The following KLF12 variants were observed in gnomAD, a reference collection of about 807,000 sequenced individuals.
The protein encoded by KLF12 is KLF transcription factor 12.
Under a neutral mutation model 37.8 loss-of-function variants are expected in KLF12, and 9 were observed. The observed-to-expected ratio is 0.24, with a 90% CI of 0.14 to 0.42. The LOEUF is 0.42. KLF12 is among the 10% of genes least tolerant of loss of function. The probability of loss-of-function intolerance (pLI) is 1.00; values close to 1 mark genes in which losing one functional copy is unlikely to be tolerated. For synonymous variants in KLF12, 208 were observed against 202.1 expected (o/e 1.03, Z -0.25); for missense variants, 411 against 516.0 (o/e 0.80, Z 1.97).
chr13:73,846,410 T>A, intron 3 of KLF12, 37 bp from the exon 4 acceptor site: 3 of 1,546,258 alleles, frequency 1.9e-6, no homozygotes, highest in Non-Finnish European at 2.6e-6. Flanking sequence ...TTTATCTTTG[T>A]TTATCACACA....
At chr13:74,016,543 G>A (rs1298820970) in intron 1 of KLF12, among the ~76,000 whole-genome samples, 1 of 151,890 alleles carries the variant, frequency 6.6e-6, no homozygotes, top group Admixed American at 6.6e-5. Context: ...TTAAATTTTT[G>A]GTAGAGACGA....
the KLF12 span, chr13:74,257,571 A>G: frequency 6.6e-6 from 1 of 152,202 alleles, no homozygotes; most frequent in South Asian, 2.1e-4. Context: ...GCTCCAGCAC[A>G]TTGCAAGGTT....
rs549097532 is a variant in KLF12 at position 73,903,651 on chromosome 13, T to C, written c.123+40330A>G. Among the ~76,000 whole-genome samples the C allele has an allele frequency of 1.5e-4, 23 of 152,306 alleles. No homozygotes were observed. The South Asian group carries it at 4.6e-3, about 30-fold the overall frequency. ...CCCTAGAAGTATCACAATCTTCAAC[T>C]ACTCTTGAACTCAATCTACAACAGA... On this transcript the variant is annotated intron_variant, in intron 3 of 7. Transcript: ENST00000377669.
At chr13:73,778,516 C>T (rs896111144) in intron 5 of KLF12, among the ~76,000 whole-genome samples, 7 of 152,118 alleles carry the variant, frequency 4.6e-5, no homozygotes, top group East Asian at 3.9e-4. Flanking sequence ...CCTGCCACCA[C>T]GCCCCGTTAG....
chr13:74,270,041 C>A, the KLF12 span, among the ~76,000 whole-genome samples: 1 of 152,170 alleles, frequency 6.6e-6, no homozygotes, highest in East Asian at 1.9e-4. Flanking sequence ...TAACTGTAAT[C>A]CTGGTTCCTA....
At chr13:74,275,862 CTTTCTATCTTTCTTTCTTCT>C in the KLF12 span, among the ~76,000 whole-genome samples, 36 of 104,718 alleles carry the variant, frequency 3.4e-4, 1 homozygote, top group South Asian at 1.6e-3. Context: ...TTCTTTCTTT[CTTTCTATCTTTCTTTCTTCT>C]TTCTTTCTTT....
chr13:74,243,247 T>C, the KLF12 span, among the ~76,000 whole-genome samples: 38 of 151,990 alleles, frequency 2.5e-4, no homozygotes, highest in Middle Eastern at 3.2e-3. Flanking sequence ...AGAGTGATGG[T>C]TTCCAGCTTT....
intron 6 of KLF12, among the ~76,000 whole-genome samples, chr13:73,722,536 A>C (rs1373029865): frequency 6.6e-6 from 1 of 152,188 alleles, no homozygotes; most frequent in African/African-American, 2.4e-5. Flanking sequence ...GAGCAGATTC[A>C]CAGGCATCAA....
At chr13:74,101,109 T>C (rs12867012) in intron 1 of KLF12, among the ~76,000 whole-genome samples, 71 of 152,238 alleles carry the variant, frequency 4.7e-4, no homozygotes, top group Middle Eastern at 3.4e-3. Flanking sequence ...CCAGAATATG[T>C]CTTCCCCTTA....
At chr13:73,727,842 C>T (rs1283018610) in intron 6 of KLF12, among the ~76,000 whole-genome samples, 5 of 152,090 alleles carry the variant, frequency 3.3e-5, no homozygotes, top group Admixed American at 6.6e-5. Context: ...GGATTACAGA[C>T]GTGCAACACC....
intron 1 of KLF12, among the ~76,000 whole-genome samples, chr13:74,018,336 A>G (rs943328949): frequency 6.6e-5 from 10 of 152,208 alleles, no homozygotes; most frequent in Non-Finnish European, 1.5e-4. Flanking sequence ...GTCAAAGAAT[A>G]CATATTTGCA....
chr13:74,203,122 ATTAGTTTTGGAAT>A, the KLF12 span, among the ~76,000 whole-genome samples: 1 of 152,106 alleles, frequency 6.6e-6, no homozygotes, highest in Non-Finnish European at 1.5e-5. Flanking sequence ...AAAAGAGGCA[ATTAGTTTTGGAAT>A]TTATATCTGG....
At chr13:73,829,298 T>G (rs543580433) in intron 4 of KLF12, among the ~76,000 whole-genome samples, 2 of 152,188 alleles carry the variant, frequency 1.3e-5, no homozygotes, top group Non-Finnish European at 2.9e-5. Flanking sequence ...AATTTTTGAA[T>G]CTGGCAGGCC....
intron 3 of KLF12, among the ~76,000 whole-genome samples, chr13:73,906,128 A>T (rs977433463): frequency 6.6e-6 from 1 of 152,100 alleles, no homozygotes; most frequent in Admixed American, 6.6e-5. Flanking sequence ...ACCAACTCCA[A>T]TTTTTTTAGT....
rs1305788237 is a variant in KLF12 at position 73,695,455 on chromosome 13, C to T, written c.*35G>A. Reference sequence around the variant, plus strand: ...GCTGAATTGGGTGCCGCTAAGAGATCCAGCTCTTACGCTCAGCTGGACAGG... The same window carrying T: ...GCTGAATTGGGTGCCGCTAAGAGATTCAGCTCTTACGCTCAGCTGGACAGG... On this transcript the variant is annotated 3_prime_UTR_variant, in exon 8 of 8. Coordinates refer to ENST00000377669, the MANE Select transcript of KLF12 (RefSeq NM_007249.5). The T allele has an allele frequency of 6.2e-7, 1 of 1,604,444 alleles. No homozygotes were observed. Among genetic ancestry groups the T allele is most frequent in the African/African-American group, 1.3e-5 (1 of 74,748 alleles).
At position 73,852,871 on chromosome 13, in the gene KLF12, G is replaced by GTT. The variant is rs35471651; in HGVS notation, c.124-6500_124-6499dup. 6.9e-4 allele frequency among the ~76,000 whole-genome samples: 94 copies of GTT among 137,192 alleles called. 1 individual carries two copies. Among genetic ancestry groups the GTT allele is most frequent in the Middle Eastern group, 3.7e-3 (1 of 268 alleles). 90.0% of individuals were successfully genotyped at this position (137,192 alleles called of 152,430 possible). A position where few individuals can be genotyped will look rare whatever the true frequency, so the allele number is the denominator to read the frequency against. Reference sequence around the variant, plus strand: ...GTACTCTCTGTGCTTTTACATTTATGTTTTTTTTTTTTTTTTGAGACGGAG... The same window carrying GTT: ...GTACTCTCTGTGCTTTTACATTTATGTTTTTTTTTTTTTTTTTTGAGACGGAG... On this transcript the variant is annotated intron_variant, in intron 3 of 7. Coordinates refer to ENST00000377669, the MANE Select transcript of KLF12 (RefSeq NM_007249.5).
the KLF12 span, among the ~76,000 whole-genome samples, chr13:74,180,227 A>G: frequency 6.6e-6 from 1 of 152,224 alleles, no homozygotes; most frequent in African/African-American, 2.4e-5. Context: ...AAAAAGCCTT[A>G]ACAAATTGAA....
At chr13:73,835,109 T>A (rs1485858522) in intron 4 of KLF12, among the ~76,000 whole-genome samples, 3 of 149,540 alleles carry the variant, frequency 2.0e-5, no homozygotes, top group Non-Finnish European at 4.4e-5. Flanking sequence ...TCCTAAAAAA[T>A]TTTCATACTC....
intron 5 of KLF12, among the ~76,000 whole-genome samples, chr13:73,798,407 A>G (rs1882111934): frequency 6.6e-6 from 1 of 152,224 alleles, no homozygotes; most frequent in South Asian, 2.1e-4. Flanking sequence ...AACAAAAGCA[A>G]AAATTGACAA....
Sources: gnomAD v4.1 joint callset for allele counts (sites outside exome capture counted in the v4.1 genomes callset) on GRCh38, gnomAD v4.1.1 for gene constraint, MANE v1.5 for transcripts, NCBI Gene and HGNC (gene_info 2026-07-23, HGNC 2026-07-21) for gene names.